BCL2: variants seen among roughly 807,000 people sequenced by gnomAD.
BCL2 encodes the protein apoptosis regulator Bcl-2.
Under a neutral mutation model 14.2 loss-of-function variants are expected in BCL2, and 1 was observed. That is an observed-to-expected ratio of 0.07 (90% confidence interval 0.02 to 0.33). The LOEUF (loss-of-function observed/expected upper bound fraction) is 0.33. Among genes scored for constraint, BCL2 ranks in the 10% least tolerant of loss-of-function variants. BCL2 has a pLI of 0.99. For synonymous variants in BCL2, 151 were observed against 137.2 expected, an observed-to-expected ratio of 1.10 and a Z score of -0.70; for missense variants, 247 against 305.9, an observed-to-expected ratio of 0.81 and a Z score of 1.44.
intron 2 of BCL2, among the ~76,000 whole-genome samples, chr18:63,136,639 G>A (rs56087288): frequency 0.24 from 36,556 of 152,190 alleles, 4,950 homozygotes; most frequent in Middle Eastern, 0.32. Flanking sequence ...TATTGCTACC[G>A]GCAAACAGAG....
At chr18:63,302,354 TG>T (rs1305991183) in intron 2 of BCL2, 15 of 983,834 alleles carry the variant, frequency 1.5e-5, no homozygotes, top group Non-Finnish European at 1.7e-5. Flanking sequence ...AAATAGTTGG[TG>T]GCTTGTTCAG....
intron 2 of BCL2, among the ~76,000 whole-genome samples, chr18:63,140,402 C>T (rs1599203599): frequency 6.6e-6 from 1 of 152,208 alleles, no homozygotes; most frequent in African/African-American, 2.4e-5. Context: ...CAAATATCCA[C>T]TAACTGATGA....
intron 2 of BCL2, among the ~76,000 whole-genome samples, chr18:63,290,418 A>G (rs1239648030): frequency 6.6e-6 from 1 of 152,256 alleles, no homozygotes; most frequent in Non-Finnish European, 1.5e-5. Context: ...GACAGACAGT[A>G]TTAAAGGAAC....
At chr18:63,305,480 A>C (rs1361902720) in intron 2 of BCL2, among the ~76,000 whole-genome samples, 2 of 152,168 alleles carry the variant, frequency 1.3e-5, no homozygotes, top group Admixed American at 6.5e-5. Flanking sequence ...GTGGGGAGGA[A>C]AGTAGGGAGA....
chr18:63,268,965 T>TA (rs912164776), intron 2 of BCL2, among the ~76,000 whole-genome samples: 3 of 152,124 alleles, frequency 2.0e-5, no homozygotes, highest in African/African-American at 7.2e-5. Context: ...ATTTTTTTTT[T>TA]AAATACAGAG....
At chr18:63,151,673 C>A (rs1430183529) in intron 2 of BCL2, among the ~76,000 whole-genome samples, 1 of 152,106 alleles carries the variant, frequency 6.6e-6, no homozygotes, top group African/African-American at 2.4e-5. Context: ...GTAGGCCCAG[C>A]CCAATTTCTC....
intron 2 of BCL2, among the ~76,000 whole-genome samples, chr18:63,169,430 T>C (rs1302756871): frequency 6.8e-6 from 1 of 146,030 alleles, no homozygotes; most frequent in Non-Finnish European, 1.5e-5. Flanking sequence ...TCTCTCTCTT[T>C]CTTTTTCTTT....
chr18:63,245,308 G>A (rs544360015), intron 2 of BCL2, among the ~76,000 whole-genome samples: 1 of 152,196 alleles, frequency 6.6e-6, no homozygotes, highest in Admixed American at 6.5e-5. Flanking sequence ...GTGTTTTTTG[G>A]TTCTGAGCTT....
chr18:63,173,145 T>G lies in BCL2; in HGVS notation c.586-44386A>C, dbSNP rs945163096. ...AAAGAAACTGGCACATAATCGTAAT[T>G]AAAAACTGAAAAAAGACATCATATT... On this transcript the variant is annotated intron_variant, in intron 2 of 2. Coordinates refer to ENST00000333681, the MANE Select transcript of BCL2 (RefSeq NM_000633.3). Among the ~76,000 whole-genome samples, 17 of 152,054 alleles carry G rather than the reference T, an allele frequency of 1.1e-4. No individual in the cohort carries two copies. The East Asian group carries it at 3.3e-3, about 29-fold the overall frequency.
chr18:63,227,137 A>G (rs1888910883), intron 2 of BCL2, among the ~76,000 whole-genome samples: 1 of 152,222 alleles, frequency 6.6e-6, no homozygotes, highest in Non-Finnish European at 1.5e-5. Context: ...CACCTTATCA[A>G]TTACACAAAT....
chr18:63,159,696 T>G (rs1178442177), intron 2 of BCL2, among the ~76,000 whole-genome samples: 3 of 152,038 alleles, frequency 2.0e-5, no homozygotes, highest in Non-Finnish European at 2.9e-5. Context: ...GAAATAGAAG[T>G]CAAAATCCAA....
intron 2 of BCL2, among the ~76,000 whole-genome samples, chr18:63,266,637 T>TCTCTCTCTCTCTCTCTCACACACACACA (rs1491465885): frequency 2.3e-5 from 2 of 85,940 alleles, no homozygotes; most frequent in African/African-American, 7.2e-5. Context: ...TCTCTCTCTC[T>TCTCTCTCTCTCTCTCTCACACACACACA]CACACACACA....
chr18:63,218,843 G>C (rs184509320), intron 2 of BCL2, among the ~76,000 whole-genome samples: 7 of 67,808 alleles, frequency 1.0e-4, no homozygotes, highest in Non-Finnish European at 1.2e-4. Flanking sequence ...CCTTGGGATT[G>C]TGTTTGGTTG....
intron 2 of BCL2, among the ~76,000 whole-genome samples, chr18:63,208,775 C>T (rs1350096808): frequency 6.6e-6 from 1 of 152,200 alleles, no homozygotes; most frequent in East Asian, 1.9e-4. Context: ...CACAGAGGTG[C>T]TTTGGACTGA....
chr18:63,231,570 T>C (rs1226794682), intron 2 of BCL2, among the ~76,000 whole-genome samples: 1 of 151,912 alleles, frequency 6.6e-6, no homozygotes, highest in East Asian at 1.9e-4. Flanking sequence ...GAAAATGTAA[T>C]TTTCATAAGA....
intron 2 of BCL2, among the ~76,000 whole-genome samples, chr18:63,281,729 A>G (rs902752330): frequency 7.3e-6 from 1 of 137,286 alleles, no homozygotes; most frequent in Admixed American, 7.3e-5. Flanking sequence ...AGAAAGAAAG[A>G]AAGAAAGAAA....
chr18:63,307,230 C>G (rs1180182890), intron 2 of BCL2, among the ~76,000 whole-genome samples: 2 of 152,202 alleles, frequency 1.3e-5, no homozygotes, highest in African/African-American at 4.8e-5. Context: ...AGTATCCCAA[C>G]TCATATTAAA....
At chr18:63,310,818 C>T (rs999364252) in intron 2 of BCL2, among the ~76,000 whole-genome samples, 2 of 152,170 alleles carry the variant, frequency 1.3e-5, no homozygotes, top group Admixed American at 1.3e-4. Context: ...AAATCATTTT[C>T]TTCTTATACT....
chr18:63,198,161 C>G (rs1289520804), intron 2 of BCL2, among the ~76,000 whole-genome samples: 3 of 151,058 alleles, frequency 2.0e-5, no homozygotes, highest in Non-Finnish European at 3.0e-5. Flanking sequence ...GATGTAGAGA[C>G]ACACACACAC....
Sources: gnomAD v4.1 joint callset for allele counts (sites outside exome capture counted in the v4.1 genomes callset) on GRCh38, gnomAD v4.1.1 for gene constraint, MANE v1.5 for transcripts, NCBI Gene and HGNC (gene_info 2026-07-23, HGNC 2026-07-21) for gene names.